The following KBTBD12 variants were observed in gnomAD, a reference collection of about 807,000 sequenced individuals.
KBTBD12 encodes the protein kelch repeat and BTB domain containing 12, also known as kelch repeat and BTB domain-containing protein 12.
KBTBD12 carries 53 observed loss-of-function variants against 58.7 expected under a neutral mutation model. The ratio of observed to expected loss-of-function variants is 0.90; its 90% CI spans 0.72 to 1.14. The LOEUF is 1.14. KBTBD12 is among the 50% of genes most tolerant of loss of function. The pLI is 0.00. For synonymous variants in KBTBD12, 236 were observed against 259.8 expected (o/e 0.91, Z 0.88); for missense variants, 704 against 751.3 (o/e 0.94, Z 0.74).
chr3:127,953,620 G>A (rs1940257460), intron 4 of KBTBD12, among the ~76,000 whole-genome samples: 1 of 152,186 alleles, frequency 6.6e-6, no homozygotes, highest in South Asian at 2.1e-4. Context: ...TCGTGTAAAT[G>A]TTTGTCTTTA....
intron 4 of KBTBD12, among the ~76,000 whole-genome samples, chr3:127,956,495 T>C (rs1940323638): frequency 6.6e-6 from 1 of 152,170 alleles, no homozygotes; most frequent in African/African-American, 2.4e-5. Context: ...CTTGTTATTC[T>C]ATGACACCCA....
At position 127,945,164 on chromosome 3, in the gene KBTBD12, C is replaced by CTTTTTTTTTTTT. The variant is rs56216317; in HGVS notation, c.1492+14908_1492+14919dup. 2.4e-3 allele frequency among the ~76,000 whole-genome samples: 68 copies of CTTTTTTTTTTTT among 28,772 alleles called. 24 individuals carry two copies. Among genetic ancestry groups the CTTTTTTTTTTTT allele is most frequent in the Non-Finnish European group, 3.2e-3 (46 of 14,564 alleles). 18.9% of individuals were successfully genotyped at this position (28,772 alleles called of 152,430 possible). ...TGTTTTTTTTAAAAATAGTAGCTATCTTTTTTTTTTTTTTTTTTTTTTTTT... is the reference window on the plus strand; with the variant it reads ...TGTTTTTTTTAAAAATAGTAGCTATCTTTTTTTTTTTTTTTTTTTTTTTTTTTTTTTTTTTTT... On this transcript the variant is annotated intron_variant, in intron 4 of 5. Coordinates refer to ENST00000405109, the MANE Select transcript of KBTBD12 (RefSeq NM_207335.4).
intron 3 of KBTBD12, among the ~76,000 whole-genome samples, chr3:127,928,644 C>T (rs1030243378): frequency 1.3e-5 from 2 of 152,228 alleles, no homozygotes; most frequent in Non-Finnish European, 2.9e-5. Context: ...TCTCCCTCCC[C>T]TCCGGATGTC....
rs533741459 is a variant in KBTBD12 at position 127,987,137 on chromosome 3, A to T, written c.*2859A>T. ...GGCTTAGCACTGAAGGGAAGCAGGC[A>T]TCAAGGGCAGGATTTCTCAAACTTC... On this transcript the variant is annotated 3_prime_UTR_variant, in exon 6 of 6. Coordinates refer to ENST00000405109, the MANE Select transcript of KBTBD12 (RefSeq NM_207335.4). 6.6e-6 allele frequency: 1 copy of T among 152,266 alleles called. No homozygotes were observed. The highest frequency in any genetic ancestry group is 1.9e-4 in the East Asian group (1 of 5,200). The allele number at this position is 152,266 out of a possible 1,614,324, so 9.4% of individuals were successfully genotyped here. A position where few individuals can be genotyped will look rare whatever the true frequency, so the allele number is the denominator to read the frequency against.
intron 1 of KBTBD12, among the ~76,000 whole-genome samples, chr3:127,922,126 A>G (rs1341888665): frequency 6.6e-6 from 1 of 152,130 alleles, no homozygotes; most frequent in Admixed American, 6.6e-5. Flanking sequence ...TCCCATTTCC[A>G]TTTATCCAGG....
intron 5 of KBTBD12, among the ~76,000 whole-genome samples, chr3:127,978,651 A>G (rs746456252): frequency 5.3e-5 from 8 of 152,006 alleles, no homozygotes; most frequent in African/African-American, 9.7e-5. Flanking sequence ...CCCCCTTCCC[A>G]AGCTCCCAGG....
At chr3:127,933,433 C>G (rs1470404171) in intron 4 of KBTBD12, among the ~76,000 whole-genome samples, 1 of 152,122 alleles carries the variant, frequency 6.6e-6, no homozygotes, top group Non-Finnish European at 1.5e-5. Flanking sequence ...AGATCTTAGT[C>G]CTGGTTGGTA....
At chr3:127,941,972 C>T (rs554151402) in intron 4 of KBTBD12, among the ~76,000 whole-genome samples, 93 of 152,078 alleles carry the variant, frequency 6.1e-4, no homozygotes, top group Non-Finnish European at 1.2e-3. Context: ...ACACTTATCA[C>T]TATTATTCAA....
intron 5 of KBTBD12, among the ~76,000 whole-genome samples, chr3:127,980,406 T>G (rs1381089487): frequency 6.6e-6 from 1 of 152,230 alleles, no homozygotes; most frequent in Non-Finnish European, 1.5e-5. Context: ...CTCAGCTCAT[T>G]GCAACCTCTA....
chr3:127,923,291 T>A lies in KBTBD12; in HGVS notation c.230T>A (p.Ile77Asn), dbSNP rs1235517444. ...CAAAGGGAAGTCATACTTTATGACATCACAGCAGAAAGTGTGTCGGTGTTA... is the reference window on the plus strand; with the variant it reads ...CAAAGGGAAGTCATACTTTATGACAACACAGCAGAAAGTGTGTCGGTGTTA... Reference protein sequence around the residue: ...CNQREVILYDITAESVSVLLN... With the variant: ...CNQREVILYDNTAESVSVLLN... Residue 77 changes from isoleucine (I) to asparagine (N), a missense_variant, in exon 2 of 6, where the codon ATC becomes AAC. Coordinates refer to ENST00000405109, the MANE Select transcript of KBTBD12 (RefSeq NM_207335.4). 6.2e-7 allele frequency: 1 copy of A among 1,613,864 alleles called. No individual in the cohort carries two copies. The highest frequency in any genetic ancestry group is 8.5e-7 in the Non-Finnish European group (1 of 1,179,784).
At chr3:127,967,378 A>G (rs1277740060) in intron 5 of KBTBD12, among the ~76,000 whole-genome samples, 1 of 152,248 alleles carries the variant, frequency 6.6e-6, no homozygotes, top group Non-Finnish European at 1.5e-5. Context: ...CCATCTGTGA[A>G]TAGCATTTAT....
chr3:127,962,814 T>A (rs1012875608), intron 4 of KBTBD12, among the ~76,000 whole-genome samples: 12 of 152,154 alleles, frequency 7.9e-5, no homozygotes, highest in Admixed American at 2.6e-4. Context: ...GCAAAAGCAT[T>A]GCTAACCATC....
At chr3:127,950,187 C>G (rs1185619287) in intron 4 of KBTBD12, among the ~76,000 whole-genome samples, 1 of 152,080 alleles carries the variant, frequency 6.6e-6, no homozygotes, top group Non-Finnish European at 1.5e-5. Context: ...ACAAAACATG[C>G]CTTTGAGCTA....
chr3:127,947,659 C>T (rs1184699702), intron 4 of KBTBD12, among the ~76,000 whole-genome samples: 1 of 152,212 alleles, frequency 6.6e-6, no homozygotes, highest in Non-Finnish European at 1.5e-5. Context: ...CCCCATTAAT[C>T]AGTGCTTTTG....
intron 4 of KBTBD12, among the ~76,000 whole-genome samples, chr3:127,950,142 C>T (rs6439102): frequency 0.59 from 89,433 of 151,954 alleles, 27,354 homozygotes; most frequent in African/African-American, 0.75. Flanking sequence ...TAACTTGACA[C>T]AGTAATATTT....
At chr3:127,941,472 A>G (rs2107598991) in intron 4 of KBTBD12, among the ~76,000 whole-genome samples, 1 of 152,344 alleles carries the variant, frequency 6.6e-6, no homozygotes, top group East Asian at 1.9e-4. Flanking sequence ...AGAGTATGAC[A>G]TTTGTTCATA....
intron 4 of KBTBD12, among the ~76,000 whole-genome samples, chr3:127,936,768 G>T (rs886453687): frequency 6.6e-6 from 1 of 152,096 alleles, no homozygotes; most frequent in Non-Finnish European, 1.5e-5. Context: ...AAGAGCTATA[G>T]CCTCTGTGTA....
At chr3:127,974,025 T>C (rs992098750) in intron 5 of KBTBD12, among the ~76,000 whole-genome samples, 4 of 152,216 alleles carry the variant, frequency 2.6e-5, no homozygotes, top group African/African-American at 9.6e-5. Flanking sequence ...TCCTACAGTA[T>C]ATACCATATA....
At chr3:127,931,607 G>A (rs536650493) in intron 4 of KBTBD12, among the ~76,000 whole-genome samples, 4 of 152,272 alleles carry the variant, frequency 2.6e-5, no homozygotes, top group African/African-American at 7.2e-5. Flanking sequence ...GAGCCACAAC[G>A]AGGCTAGATG....
Sources: allele counts gnomAD v4.1 joint callset (sites outside exome capture counted in the v4.1 genomes callset), GRCh38; gene constraint gnomAD v4.1.1; transcripts MANE v1.5; gene names NCBI Gene and HGNC (gene_info 2026-07-23, HGNC 2026-07-21).